The following ANO4 variants were observed in gnomAD, a reference collection of about 807,000 sequenced individuals.
ANO4 encodes anoctamin 4.
Under a neutral mutation model 141.9 loss-of-function variants are expected in ANO4, and 69 were observed. That is an observed-to-expected ratio of 0.49 (90% CI 0.40 to 0.59). The LOEUF is 0.59. ANO4 is among the 20% of genes least tolerant of loss of function. ANO4 has a pLI of 0.00. For synonymous variants in ANO4, 350 were observed against 394.3 expected (o/e 0.89, Z 1.33); for missense variants, 894 against 1,162.2 (o/e 0.77, Z 3.36).
intron 2 of ANO4, among the ~76,000 whole-genome samples, chr12:100,738,099 CATT>C (rs1167908805): frequency 6.6e-6 from 1 of 152,150 alleles, no homozygotes; most frequent in African/African-American, 2.4e-5. Context: ...ACATAGTTAA[CATT>C]ATTTTTTCTC....
At chr12:101,036,108 T>G in intron 9 of ANO4, among the ~76,000 whole-genome samples, 1 of 152,142 alleles carries the variant, frequency 6.6e-6, no homozygotes, top group East Asian at 1.9e-4. Context: ...GAAAAGGTGC[T>G]CAATATCACT....
At chr12:100,810,540 G>C (rs2035351204) in intron 1 of ANO4, among the ~76,000 whole-genome samples, 1 of 152,094 alleles carries the variant, frequency 6.6e-6, no homozygotes, top group Non-Finnish European at 1.5e-5. Context: ...GGTGTAAGTA[G>C]GTCAGTTACA....
At chr12:101,019,941 A>C (rs2046456240) in intron 8 of ANO4, 93 bp from the exon 9 acceptor site, 1 of 925,702 alleles carries the variant, frequency 1.1e-6, no homozygotes, top group Admixed American at 2.0e-5. Flanking sequence ...CTGACTGAAG[A>C]CATCTGCATC....
At chr12:100,866,465 C>T (rs2135909966) in intron 1 of ANO4, among the ~76,000 whole-genome samples, 1 of 152,280 alleles carries the variant, frequency 6.6e-6, no homozygotes, top group East Asian at 1.9e-4. Context: ...GCCACCCCTG[C>T]CCCCACCTTT....
At chr12:100,833,818 G>C (rs2036758975) in intron 1 of ANO4, among the ~76,000 whole-genome samples, 1 of 152,068 alleles carries the variant, frequency 6.6e-6, no homozygotes, top group Non-Finnish European at 1.5e-5. Flanking sequence ...TCAAAGACTA[G>C]ATCTGATCAC....
chr12:100,806,523 CGTTTTTTTTTTTTTTTTTTTTTTTT>C (rs2035044821), intron 1 of ANO4, among the ~76,000 whole-genome samples: 4 of 44,982 alleles, frequency 8.9e-5, no homozygotes, highest in African/African-American at 1.5e-4. Context: ...TTTTTTGTTT[CGTTTTTTTTTTTTTTTTTTTTTTTT>C]TTTTTTTTTT....
chr12:100,785,878 A>C lies in ANO4; in HGVS notation c.358+45773A>C, dbSNP rs536422452. Among the ~76,000 whole-genome samples the C allele has an allele frequency of 9.2e-5, 14 of 152,258 alleles. No homozygotes were observed. The South Asian group carries it at 2.7e-3, about 29-fold the overall frequency. ...TTCCTTCCAGCAATGCAGATTTAGG[A>C]GGTTCAAAGGACTTCTTAAAAATTT... is the stretch of plus-strand genomic sequence containing the variant. On this transcript the variant is annotated intron_variant, in intron 3 of 29. Transcript: ENST00000644049.
At chr12:101,078,316 TGAGA>T (rs1270107998) in intron 14 of ANO4, among the ~76,000 whole-genome samples, 2 of 143,712 alleles carry the variant, frequency 1.4e-5, no homozygotes, top group South Asian at 2.3e-4. Flanking sequence ...AGAGTGTGAG[TGAGA>T]GAGTGTGTGT....
upstream of ANO4, chr12:100,717,385 T>G (rs992116545): frequency 8.8e-6 from 3 of 340,596 alleles, no homozygotes; most frequent in Non-Finnish European, 1.6e-5. Flanking sequence ...GCGCGCTGAC[T>G]GGGCGTGCTC....
chr12:101,110,299 G>T, intron 22 of ANO4, 105 bp from the exon 23 acceptor site: 1 of 1,229,264 alleles, frequency 8.1e-7, no homozygotes, highest in South Asian at 2.2e-5. Flanking sequence ...CGTCTGTATT[G>T]GGAAAAATGG....
intron 3 of ANO4, among the ~76,000 whole-genome samples, chr12:100,785,816 C>T (rs1417331919): frequency 6.6e-6 from 1 of 152,138 alleles, no homozygotes; most frequent in East Asian, 1.9e-4. Flanking sequence ...TTGTAAGAAA[C>T]TGCTAGTATC....
At chr12:100,752,373 C>T (rs1209802042) in intron 3 of ANO4, among the ~76,000 whole-genome samples, 4 of 151,974 alleles carry the variant, frequency 2.6e-5, no homozygotes, top group African/African-American at 9.7e-5. Context: ...CTCCCTCTTA[C>T]ACACACACAA....
chr12:100,836,346 T>C (rs1183338966), intron 1 of ANO4, among the ~76,000 whole-genome samples: 2 of 152,104 alleles, frequency 1.3e-5, no homozygotes, highest in Non-Finnish European at 2.9e-5. Context: ...TTTTTATATA[T>C]ATATTTTTAT....
At chr12:100,860,650 T>G (rs1330385477) in intron 1 of ANO4, among the ~76,000 whole-genome samples, 2 of 152,198 alleles carry the variant, frequency 1.3e-5, no homozygotes, top group Non-Finnish European at 2.9e-5. Context: ...CCAGGTTCAT[T>G]AATTCATTCT....
chr12:100,959,407 A>G (rs2043309607), intron 5 of ANO4, among the ~76,000 whole-genome samples: 1 of 152,012 alleles, frequency 6.6e-6, no homozygotes, highest in Non-Finnish European at 1.5e-5. Context: ...AAATCTCTTG[A>G]CCCCTATACT....
intron 8 of ANO4, among the ~76,000 whole-genome samples, chr12:100,988,981 A>G (rs186710269): frequency 4.5e-4 from 68 of 152,274 alleles, no homozygotes; most frequent in African/African-American, 1.6e-3. Context: ...CAACAGAAAA[A>G]CGGTTAAAGT....
At chr12:100,932,089 A>G (rs942585923) in intron 3 of ANO4, among the ~76,000 whole-genome samples, 4 of 151,964 alleles carry the variant, frequency 2.6e-5, no homozygotes, top group East Asian at 1.9e-4. Context: ...CAAAAATAGT[A>G]TAATGAACTG....
intron 8 of ANO4, among the ~76,000 whole-genome samples, chr12:101,016,526 T>A (rs1308948747): frequency 6.6e-6 from 1 of 151,998 alleles, no homozygotes; most frequent in Non-Finnish European, 1.5e-5. Context: ...CAAAATTAGA[T>A]TTAGAGGGGA....
At chr12:100,863,676 T>A (rs1367667348) in intron 1 of ANO4, among the ~76,000 whole-genome samples, 1 of 152,208 alleles carries the variant, frequency 6.6e-6, no homozygotes, top group African/African-American at 2.4e-5. Context: ...ATTATATTAT[T>A]AAAACTTAAC....
Sources: allele counts gnomAD v4.1 joint callset (sites outside exome capture counted in the v4.1 genomes callset), GRCh38; gene constraint gnomAD v4.1.1; transcripts MANE v1.5; gene names NCBI Gene and HGNC (gene_info 2026-07-23, HGNC 2026-07-21).